The following CPAMD8 variants were observed in gnomAD, a reference collection of about 807,000 sequenced individuals.
CPAMD8 encodes C3 and PZP-like alpha-2-macroglobulin domain-containing protein 8.
CPAMD8 carries 146 observed loss-of-function variants against 224.7 expected under a neutral mutation model. The observed-to-expected ratio is 0.65, with a 90% confidence interval of 0.57 to 0.75. CPAMD8 has a LOEUF of 0.75. CPAMD8 is among the 30% of genes least tolerant of loss of function. The pLI is 0.00. For synonymous variants in CPAMD8, 966 were observed against 1,044.6 expected, an observed-to-expected ratio of 0.92 and a Z score of 1.45; for missense variants, 2,301 against 2,537.5, an observed-to-expected ratio of 0.91 and a Z score of 2.00.
intron 25 of CPAMD8, among the ~76,000 whole-genome samples, chr19:16,927,752 G>A (rs113816416): frequency 9.1e-4 from 139 of 152,318 alleles, no homozygotes; most frequent in African/African-American, 3.2e-3. Context: ...GACTTGGGGG[G>A]CTCTAGATCT....
intron 34 of CPAMD8, among the ~76,000 whole-genome samples, chr19:16,903,074 C>G (rs2052327344): frequency 6.6e-6 from 1 of 152,148 alleles, no homozygotes; most frequent in Non-Finnish European, 1.5e-5. Context: ...TTTTATGGAT[C>G]TGGGGTGCAG....
intron 1 of CPAMD8, among the ~76,000 whole-genome samples, chr19:17,025,673 TC>T (rs1234587948): frequency 1.3e-5 from 2 of 151,190 alleles, no homozygotes; most frequent in Admixed American, 1.3e-4. Flanking sequence ...GAGACAAAAA[TC>T]CCCCCCAGGG....
chr19:16,925,065 G>A (rs1417627602), intron 26 of CPAMD8, 131 bp downstream of exon 26: 6 of 888,240 alleles, frequency 6.8e-6, no homozygotes, highest in African/African-American at 5.0e-5. Flanking sequence ...CACCCTGAAT[G>A]GCCTCTTTTG....
At chr19:16,957,971 T>C in intron 18 of CPAMD8, 56 bp from the exon 19 acceptor site, 1 of 1,496,510 alleles carries the variant, frequency 6.7e-7, no homozygotes, top group South Asian at 1.1e-5. Context: ...AAATCTTATG[T>C]GAACCTAGCA....
intron 19 of CPAMD8, among the ~76,000 whole-genome samples, chr19:16,955,984 G>C (rs1354660655): frequency 6.6e-6 from 1 of 152,166 alleles, no homozygotes; most frequent in Non-Finnish European, 1.5e-5. Context: ...GCCTTTAAAC[G>C]GGTGTGGTTT....
chr19:17,004,216 G>A, intron 8 of CPAMD8, 57 bp downstream of exon 8: 1 of 1,261,928 alleles, frequency 7.9e-7, no homozygotes, highest in Admixed American at 1.8e-5. Flanking sequence ...TTCTTCACCA[G>A]TTTCTAAGGT....
chr19:16,931,768 A>G (rs2053552559), intron 23 of CPAMD8, among the ~76,000 whole-genome samples: 1 of 152,188 alleles, frequency 6.6e-6, no homozygotes, highest in Non-Finnish European at 1.5e-5. Flanking sequence ...GCAAAACTTC[A>G]TCACAGCCTC....
intron 12 of CPAMD8, among the ~76,000 whole-genome samples, chr19:16,990,108 G>A (rs915185294): frequency 2.6e-5 from 4 of 151,924 alleles, no homozygotes; most frequent in Non-Finnish European, 5.9e-5. Context: ...ACAAAAATTA[G>A]CCAGGAGTAG....
At chr19:17,005,435 T>C (rs2168632) in intron 7 of CPAMD8, among the ~76,000 whole-genome samples, 56,865 of 135,778 alleles carry the variant, frequency 0.42, 11,085 homozygotes, top group Admixed American at 0.49. Flanking sequence ...ACGCACACAC[T>C]TTAGAACAGA....
At chr19:16,952,835 C>T (rs570259083) in intron 19 of CPAMD8, among the ~76,000 whole-genome samples, 41 of 152,316 alleles carry the variant, frequency 2.7e-4, no homozygotes, top group Admixed American at 1.2e-3. Context: ...TCATAAACCC[C>T]AATGACTTTT....
chr19:16,934,166 T>C (rs542388950), intron 23 of CPAMD8, among the ~76,000 whole-genome samples: 1 of 152,202 alleles, frequency 6.6e-6, no homozygotes, highest in Non-Finnish European at 1.5e-5. Flanking sequence ...TGGTCCCTAG[T>C]GATGGAGTAA....
chr19:16,961,526 C>A (rs112896101), intron 18 of CPAMD8, among the ~76,000 whole-genome samples: 27,929 of 152,230 alleles, frequency 0.18, 2,849 homozygotes, highest in Admixed American at 0.25. Context: ...TTAAACTGGG[C>A]GGAGCCCACT....
intron 29 of CPAMD8, among the ~76,000 whole-genome samples, chr19:16,911,589 G>A (rs763857094): frequency 1.1e-4 from 17 of 148,562 alleles, no homozygotes; most frequent in South Asian, 4.3e-4. Context: ...ACTCTTGCCC[G>A]GGCTGGAGTG....
At chr19:17,003,722 G>A (rs1253008896) in intron 8 of CPAMD8, among the ~76,000 whole-genome samples, 1 of 149,340 alleles carries the variant, frequency 6.7e-6, no homozygotes. Context: ...AGGCTTCAGT[G>A]AGCCAAGATC....
At position 16,897,729 on chromosome 19, in the gene CPAMD8, G is replaced by T; in HGVS notation, c.5027C>A (p.Ala1676Glu). Residue 1676 changes from alanine (A) to glutamate (E), a missense_variant, in exon 39 of 42, where the codon GCG becomes GAG. Physicochemically the swap from Ala to Glu is moderately radical, Grantham distance 107 (BLOSUM62 -1). This residue lies in a region of CPAMD8 where 1,709 missense variants were observed against 1,753.2 expected (regional missense o/e 0.97). Transcript: ENST00000443236. Reference sequence around the variant, plus strand: ...AGGGGCGCGCTCCACTTCGTTGCACGCGGGTCCGGCGCACAGTTCCCGGGC... The same window carrying T: ...AGGGGCGCGCTCCACTTCGTTGCACTCGGGTCCGGCGCACAGTTCCCGGGC... ...PLARELCAGP[A>E]CNEVERAPAR... 1 of 1,568,264 alleles carries T rather than the reference G, an allele frequency of 6.4e-7. No homozygotes were observed. The highest frequency in any genetic ancestry group is 8.6e-7 in the Non-Finnish European group (1 of 1,159,324).
intron 26 of CPAMD8, among the ~76,000 whole-genome samples, chr19:16,924,615 C>T (rs150191700): frequency 1.5e-3 from 223 of 152,336 alleles, no homozygotes; most frequent in African/African-American, 4.8e-3. Flanking sequence ...GGGTCTCACT[C>T]TGTCACCCTG....
At chr19:17,020,496 G>A (rs1373757367) in intron 2 of CPAMD8, 143 bp from the exon 3 acceptor site, 1 of 663,884 alleles carries the variant, frequency 1.5e-6, no homozygotes, top group Non-Finnish European at 2.7e-6. Flanking sequence ...TGCTGGCCTG[G>A]ACTGGGCCAG....
intron 18 of CPAMD8, among the ~76,000 whole-genome samples, chr19:16,959,225 G>A (rs1417994766): frequency 6.7e-6 from 1 of 150,328 alleles, no homozygotes; most frequent in Non-Finnish European, 1.5e-5. Context: ...CCAGGCTGGA[G>A]TGCAGTGGTG....
chr19:16,942,998 T>A (rs1470003656), intron 22 of CPAMD8, among the ~76,000 whole-genome samples: 1 of 141,806 alleles, frequency 7.1e-6, no homozygotes, highest in Non-Finnish European at 1.5e-5. Flanking sequence ...GACTTTTTTC[T>A]TTTTTCTTTT....
Sources: allele counts gnomAD v4.1 joint callset (sites outside exome capture counted in the v4.1 genomes callset), GRCh38; gene constraint gnomAD v4.1.1; regional missense constraint gnomAD v4.1.1; transcripts MANE v1.5; gene names NCBI Gene and HGNC (gene_info 2026-07-23, HGNC 2026-07-21).